UBE2E2: variants seen among roughly 807,000 people sequenced by gnomAD.
The protein encoded by UBE2E2 is ubiquitin-conjugating enzyme E2 E2.
In UBE2E2, 6 loss-of-function variants were observed where a neutral mutation model predicts 24.7. That is an observed-to-expected ratio of 0.24 (90% confidence interval 0.13 to 0.48). UBE2E2 has a LOEUF of 0.48. UBE2E2 is among the 20% of genes least tolerant of loss of function. The probability of loss-of-function intolerance (pLI) is 0.99; values close to 1 mark genes in which losing one functional copy is unlikely to be tolerated. For synonymous variants in UBE2E2, 104 were observed against 83.6 expected (o/e 1.24, Z -1.33); for missense variants, 169 against 245.0 (o/e 0.69, Z 2.07).
chr3:23,283,253 C>G (rs1698528767), intron 3 of UBE2E2, among the ~76,000 whole-genome samples: 1 of 151,802 alleles, frequency 6.6e-6, no homozygotes, highest in South Asian at 2.1e-4. Flanking sequence ...CTTGGTGACT[C>G]TACAGATGAA....
intron 3 of UBE2E2, among the ~76,000 whole-genome samples, chr3:23,262,091 T>G (rs1697916912): frequency 6.6e-6 from 1 of 152,196 alleles, no homozygotes. Context: ...CCCACAAGAA[T>G]TGCACAGGGC....
chr3:23,252,797 A>G (rs1697610688), intron 3 of UBE2E2, among the ~76,000 whole-genome samples: 1 of 152,178 alleles, frequency 6.6e-6, no homozygotes. Flanking sequence ...ACACCTGGCC[A>G]CCAGATTTTC....
intron 5 of UBE2E2, among the ~76,000 whole-genome samples, chr3:23,571,280 C>CCTTTTTTTTTTTTTTTTTTTTTTTTT (rs1696216914): frequency 3.3e-5 from 1 of 29,866 alleles, no homozygotes; most frequent in African/African-American, 1.0e-4. Context: ...GTGCTCCTTT[C>CCTTTTTTTTTTTTTTTTTTTTTTTTT]TTTTTTTTTT....
chr3:23,369,448 A>G (rs976793961), intron 3 of UBE2E2, among the ~76,000 whole-genome samples: 8 of 152,176 alleles, frequency 5.3e-5, no homozygotes, highest in African/African-American at 1.9e-4. Context: ...AAGACAAATA[A>G]TGGGATTGCA....
chr3:23,466,870 C>G (rs925997816), intron 3 of UBE2E2, among the ~76,000 whole-genome samples: 2 of 152,100 alleles, frequency 1.3e-5, no homozygotes, highest in Non-Finnish European at 2.9e-5. Context: ...CTCGGCAGTC[C>G]CAGAGTCTTA....
At chr3:23,221,590 A>G (rs1255248029) in intron 3 of UBE2E2, among the ~76,000 whole-genome samples, 1 of 152,104 alleles carries the variant, frequency 6.6e-6, no homozygotes, top group Non-Finnish European at 1.5e-5. Flanking sequence ...TTTTTTTTAC[A>G]AAGTGTAATA....
chr3:23,311,784 G>T (rs1694400910), intron 3 of UBE2E2, among the ~76,000 whole-genome samples: 1 of 152,006 alleles, frequency 6.6e-6, no homozygotes, highest in Admixed American at 6.6e-5. Flanking sequence ...ATATTTATGG[G>T]ATACAGGAGA....
At chr3:23,361,030 C>T (rs1273933481) in intron 3 of UBE2E2, among the ~76,000 whole-genome samples, 1 of 151,970 alleles carries the variant, frequency 6.6e-6, no homozygotes, top group Non-Finnish European at 1.5e-5. Flanking sequence ...CATGAATAGA[C>T]ATTTCTTAAA....
chr3:23,373,889 A>G (rs1696456675), intron 3 of UBE2E2, among the ~76,000 whole-genome samples: 1 of 152,202 alleles, frequency 6.6e-6, no homozygotes, highest in African/African-American at 2.4e-5. Context: ...ATGTAAACAT[A>G]TGTCATTAAG....
At chr3:23,223,748 G>C (rs1696732797) in intron 3 of UBE2E2, among the ~76,000 whole-genome samples, 1 of 152,014 alleles carries the variant, frequency 6.6e-6, no homozygotes, top group African/African-American at 2.4e-5. Context: ...AGAAATCTTT[G>C]CCCAGACCAT....
At chr3:23,300,705 C>G (rs1017822162) in intron 3 of UBE2E2, among the ~76,000 whole-genome samples, 2 of 152,128 alleles carry the variant, frequency 1.3e-5, no homozygotes, top group Non-Finnish European at 2.9e-5. Context: ...TTCTCTCTGG[C>G]TGCCCTTAAC....
intron 3 of UBE2E2, among the ~76,000 whole-genome samples, chr3:23,316,312 G>T (rs1370316413): frequency 6.6e-6 from 1 of 152,008 alleles, no homozygotes; most frequent in East Asian, 1.9e-4. Flanking sequence ...CACCTGAGCT[G>T]CCACCGAAAC....
At chr3:23,388,065 T>A (rs934469788) in intron 3 of UBE2E2, among the ~76,000 whole-genome samples, 1 of 152,190 alleles carries the variant, frequency 6.6e-6, no homozygotes, top group African/African-American at 2.4e-5. Context: ...CTTATGCTGC[T>A]TTTTCCAAAA....
chr3:23,263,148 C>G (rs1455338767), intron 3 of UBE2E2, among the ~76,000 whole-genome samples: 2 of 152,208 alleles, frequency 1.3e-5, no homozygotes, highest in Non-Finnish European at 2.9e-5. Context: ...TACATATTAA[C>G]TCTGTACTTA....
At chr3:23,357,929 C>T (rs76204630) in intron 3 of UBE2E2, among the ~76,000 whole-genome samples, 4,387 of 152,252 alleles carry the variant, frequency 0.029, 108 homozygotes, top group East Asian at 0.13. Context: ...GCCTCGACCT[C>T]GTCAAGCGTG....
chr3:23,398,239 G>T (rs1037414292), intron 3 of UBE2E2, among the ~76,000 whole-genome samples: 6 of 150,574 alleles, frequency 4.0e-5, no homozygotes. Flanking sequence ...CTTGAACCTG[G>T]GAGGCAGAGG....
At chr3:23,310,622 A>C (rs1157740770) in intron 3 of UBE2E2, among the ~76,000 whole-genome samples, 1 of 152,114 alleles carries the variant, frequency 6.6e-6, no homozygotes, top group Admixed American at 6.6e-5. Flanking sequence ...TATGGCTTCT[A>C]CCTGTAATCT....
At chr3:23,367,495 T>G (rs1289048404) in intron 3 of UBE2E2, among the ~76,000 whole-genome samples, 1 of 152,160 alleles carries the variant, frequency 6.6e-6, no homozygotes, top group Non-Finnish European at 1.5e-5. Context: ...TCGAAGGGTT[T>G]GGAGAACTGC....
rs1285126867 is a variant in UBE2E2 at position 23,280,071 on chromosome 3, A to G, written c.227+62759A>G. Among the ~76,000 whole-genome samples, 1 of 152,236 alleles carries G rather than the reference A, an allele frequency of 6.6e-6. No homozygotes were observed. The highest frequency in any genetic ancestry group is 2.4e-5 in the African/African-American group (1 of 41,466). ...TTCAAATAAGCATGGGAGAGAAAAC[A>G]CATTTGACTTATTACCACGGTAAGG... On this transcript the variant is annotated intron_variant, in intron 3 of 5. Transcript: ENST00000396703. The surrounding 1 kb of genome is among the most constrained non-coding windows in gnomAD (Gnocchi z 4.3).
Sources: allele counts gnomAD v4.1 joint callset (sites outside exome capture counted in the v4.1 genomes callset), GRCh38; gene constraint gnomAD v4.1.1; non-coding constraint Gnocchi (gnomAD v3.1); transcripts MANE v1.5; gene names NCBI Gene and HGNC (gene_info 2026-07-23, HGNC 2026-07-21).